The following RYR2 variants were observed in gnomAD, a reference collection of about 807,000 sequenced individuals.
The protein encoded by RYR2 is cardiac muscle ryanodine receptor-calcium release channel.
Under a neutral mutation model 601.1 loss-of-function variants are expected in RYR2, and 227 were observed. The ratio of observed to expected loss-of-function variants is 0.38; its 90% confidence interval spans 0.34 to 0.42. The LOEUF is 0.42. RYR2 is among the 10% of genes least tolerant of loss of function. The pLI is 1.00. For missense variants in RYR2, 4,646 were observed against 6,156.5 expected (o/e 0.75, Z 8.21); for synonymous variants, 2,223 against 2,175.1 (o/e 1.02, Z -0.61).
At chr1:237,628,239 CT>C (rs1185739199) in intron 41 of RYR2, among the ~76,000 whole-genome samples, 159 bp downstream of exon 41, 1 of 151,814 alleles carries the variant, frequency 6.6e-6, no homozygotes, top group Non-Finnish European at 1.5e-5. Context: ...TATTATCATA[CT>C]TTAAGTTTTA....
At chr1:237,716,754 CCACACACACA>C (rs72260792) in intron 71 of RYR2, among the ~76,000 whole-genome samples, 13 of 148,336 alleles carry the variant, frequency 8.8e-5, no homozygotes, top group South Asian at 4.3e-4. Flanking sequence ...ATATATTAGA[CCACACACACA>C]CACACACACA....
At chr1:237,066,786 C>T (rs1045474092) in intron 1 of RYR2, among the ~76,000 whole-genome samples, 2 of 152,036 alleles carry the variant, frequency 1.3e-5, no homozygotes, top group African/African-American at 4.8e-5. Flanking sequence ...GGACTGCAGG[C>T]GCCCACCACC....
intron 3 of RYR2, among the ~76,000 whole-genome samples, chr1:237,346,887 C>A (rs1698357401): frequency 6.6e-6 from 1 of 152,148 alleles, no homozygotes; most frequent in South Asian, 2.1e-4. Context: ...AATTCTCCCA[C>A]ATTAATGTCA....
At chr1:237,782,090 G>C (rs1347713747) in intron 89 of RYR2, among the ~76,000 whole-genome samples, 1 of 151,914 alleles carries the variant, frequency 6.6e-6, no homozygotes, top group Non-Finnish European at 1.5e-5. Context: ...GTCCCCCAGG[G>C]CAGCTGGCAG....
chr1:237,589,543 T>A (rs1217173450), intron 29 of RYR2, among the ~76,000 whole-genome samples: 1 of 152,196 alleles, frequency 6.6e-6, no homozygotes, highest in African/African-American at 2.4e-5. Flanking sequence ...CTTACAGAGT[T>A]AAGTCTGAGA....
intron 81 of RYR2, 26 bp downstream of exon 81, chr1:237,756,413 G>C (rs533963322): frequency 1.4e-6 from 2 of 1,458,322 alleles, no homozygotes; most frequent in African/African-American, 2.8e-5. Context: ...TTCCCCTCAC[G>C]AGTGTCTGTT....
chr1:237,776,773 C>A (rs947864915), intron 87 of RYR2, among the ~76,000 whole-genome samples: 1 of 152,066 alleles, frequency 6.6e-6, no homozygotes, highest in Non-Finnish European at 1.5e-5. Flanking sequence ...CCAGAGTGCA[C>A]CACGGAGCTG....
At chr1:237,546,976 CATATAT>C (rs558814390) in intron 25 of RYR2, among the ~76,000 whole-genome samples, 56 of 97,486 alleles carry the variant, frequency 5.7e-4, no homozygotes, top group Non-Finnish European at 7.7e-4. Context: ...TTTTCAAAAG[CATATAT>C]ATATATATAT....
chr1:237,634,835 G>A (rs1680708547), intron 43 of RYR2, 54 bp from the exon 44 acceptor site: 38 of 1,368,244 alleles, frequency 2.8e-5, no homozygotes, highest in Non-Finnish European at 3.6e-5. Flanking sequence ...TTTGTATGGA[G>A]TTTATAGTTA....
intron 2 of RYR2, among the ~76,000 whole-genome samples, chr1:237,272,140 AAAAG>A (rs930714786): frequency 3.3e-5 from 5 of 152,184 alleles, no homozygotes; most frequent in Admixed American, 6.5e-5. Flanking sequence ...AAAGAAAAGA[AAAAG>A]AAAGAGAACT....
At chr1:237,669,953 G>A (rs1684755316) in intron 58 of RYR2, among the ~76,000 whole-genome samples, 1 of 152,182 alleles carries the variant, frequency 6.6e-6, no homozygotes, top group Middle Eastern at 3.4e-3. Context: ...GGAGGTGGAG[G>A]TTGTAGCGAG....
intron 80 of RYR2, among the ~76,000 whole-genome samples, chr1:237,744,579 C>G (rs1691904036): frequency 6.6e-6 from 1 of 151,980 alleles, no homozygotes; most frequent in Admixed American, 6.6e-5. Flanking sequence ...TCACTTGAAC[C>G]TGGGAGAAGG....
chr1:237,437,731 A>G (rs1034816384), intron 12 of RYR2, among the ~76,000 whole-genome samples: 2 of 152,242 alleles, frequency 1.3e-5, no homozygotes, highest in Non-Finnish European at 2.9e-5. Flanking sequence ...CTGAAAAAGC[A>G]GTGCTTGCAA....
intron 15 of RYR2, 68 bp downstream of exon 15, chr1:237,454,642 A>C: frequency 6.6e-7 from 1 of 1,511,240 alleles, no homozygotes; most frequent in African/African-American, 1.4e-5. Flanking sequence ...TGGTTGGGAA[A>C]ATTTTCCATC....
In RYR2 at chr1:237,317,499, T is replaced by C. The variant is rs1695223915; in HGVS notation, c.169-13379T>C. Among the ~76,000 whole-genome samples, 3 of 152,338 alleles carry C rather than the reference T, an allele frequency of 2.0e-5. No individual in the cohort carries two copies. In the South Asian group the frequency reaches 6.2e-4, roughly 32 times the overall value. ...TCCATGTTTCAGATGTTCTTATTAG[T>C]ATATAGGATAGCTGATTTTTATGTA... On this transcript the variant is annotated intron_variant, in intron 2 of 104. Transcript: ENST00000366574.
Position 237,614,113 on chromosome 1 carries a change from C to T in RYR2, c.4985C>T (p.Ser1662Leu), listed in dbSNP as rs1294119002. The T allele has an allele frequency of 6.2e-7, 1 of 1,614,048 alleles. No individual in the cohort carries two copies. Among genetic ancestry groups the T allele is most frequent in the South Asian group, 1.1e-5 (1 of 91,084 alleles). The stretch of plus-strand genomic sequence containing the variant: ...CACTATCACACTCTCCGGCTCTACT[C>T]AGCCGTCTGTGCTCTTGGGAACCAC... ...KFHYHTLRLY[S>L]AVCALGNHRV... Residue 1662 changes from serine (S) to leucine (L), a missense_variant, in exon 37 of 105, where the codon TCA becomes TTA. By Grantham distance (145) the Ser-to-Leu change is moderately radical. Transcript: ENST00000366574. The surrounding 1 kb of genome is among the most constrained non-coding windows in gnomAD (Gnocchi z 4.3).
chr1:237,624,510 CAATG>C (rs1261676255), intron 39 of RYR2, among the ~76,000 whole-genome samples: 2 of 152,102 alleles, frequency 1.3e-5, no homozygotes, highest in African/African-American at 4.8e-5. Flanking sequence ...ATAGTAACCT[CAATG>C]AAGCTGTTTT....
At chr1:237,627,752 A>G (rs1679833576) in intron 40 of RYR2, 55 bp from the exon 41 acceptor site, 11 of 1,491,662 alleles carry the variant, frequency 7.4e-6, no homozygotes, top group South Asian at 1.3e-5. Context: ...GAAATGTCCA[A>G]CTGATTTGTC....
intron 62 of RYR2, among the ~76,000 whole-genome samples, chr1:237,682,865 T>C (rs1467538446): frequency 1.3e-5 from 2 of 152,200 alleles, no homozygotes; most frequent in African/African-American, 4.8e-5. Context: ...CTTATGTTAT[T>C]ACAGTACTTT....
Sources: allele counts gnomAD v4.1 joint callset (sites outside exome capture counted in the v4.1 genomes callset), GRCh38; gene constraint gnomAD v4.1.1; non-coding constraint Gnocchi (gnomAD v3.1); transcripts MANE v1.5; gene names NCBI Gene and HGNC (gene_info 2026-07-23, HGNC 2026-07-21).